The following GAS2 variants were observed in gnomAD, a reference collection of about 807,000 sequenced individuals.
GAS2 encodes growth arrest specific 2.
A neutral mutation model predicts 37.5 loss-of-function variants in GAS2; 20 were observed. The ratio of observed to expected loss-of-function variants is 0.53; its 90% CI spans 0.37 to 0.77. The LOEUF is 0.77. GAS2 is among the 30% of genes least tolerant of loss of function. GAS2 has a pLI of 0.00. For missense variants in GAS2, 336 were observed against 373.4 expected, an observed-to-expected ratio of 0.90 and a Z score of 0.82; for synonymous variants, 144 against 132.2, an observed-to-expected ratio of 1.09 and a Z score of -0.61.
At chr11:22,789,455 TTC>T (rs1856023958) in intron 7 of GAS2, among the ~76,000 whole-genome samples, 1 of 80,528 alleles carries the variant, frequency 1.2e-5, no homozygotes, top group African/African-American at 4.1e-5. Flanking sequence ...TATATATATA[TTC>T]TTTTTTTTTT....
intron 1 of GAS2, among the ~76,000 whole-genome samples, chr11:22,651,463 C>T (rs1384886651): frequency 6.6e-6 from 1 of 152,134 alleles, no homozygotes; most frequent in Non-Finnish European, 1.5e-5. Context: ...TGAACGTTGG[C>T]CTGCCTTGCT....
At chr11:22,666,602 A>C (rs931368488), upstream of GAS2, 2 of 152,200 alleles carry the variant, frequency 1.3e-5, no homozygotes, top group South Asian at 4.1e-4. Context: ...GCGTCCACCA[A>C]AAAAAGTAAG....
At chr11:22,642,599 C>CA (rs1459827882) in intron 1 of GAS2, among the ~76,000 whole-genome samples, 2 of 152,040 alleles carry the variant, frequency 1.3e-5, no homozygotes, top group African/African-American at 4.8e-5. Flanking sequence ...ATAAGGTATG[C>CA]ACAAACTGTC....
At chr11:22,739,517 G>A (rs1302507662) in intron 5 of GAS2, among the ~76,000 whole-genome samples, 2 of 134,460 alleles carry the variant, frequency 1.5e-5, no homozygotes, top group Non-Finnish European at 3.1e-5. Flanking sequence ...AGCTTGCAGT[G>A]AGCCTAGATT....
rs201634460 is a variant in GAS2, at chr11:22,793,494, G to T, written c.724-18304G>T. Reference sequence around the variant, plus strand: ...GAGAAACACAGAGTTAGAGAAAGAAGAAGACTTTGTGCCCCAGAGAAAATG... The same window carrying T: ...GAGAAACACAGAGTTAGAGAAAGAATAAGACTTTGTGCCCCAGAGAAAATG... On this transcript the variant is annotated intron_variant, in intron 7 of 7. Transcript: ENST00000454584. Among the ~76,000 whole-genome samples the T allele has an allele frequency of 1.5e-4, 23 of 152,260 alleles. No homozygotes were observed. In the East Asian group the frequency reaches 4.4e-3, roughly 29 times the overall value.
In GAS2 at chr11:22,755,854, A is replaced by T; in HGVS notation, c.624A>T (p.Arg208=). Residue 208 remains arginine (R), a synonymous_variant, in exon 7 of 8, where the codon CGA becomes CGT. Transcript: ENST00000454584. ...CTGCTCTTCTATTTCAGGTGAAACG[A>T]ATTTCTGAAGATCCTCCTTGCAAAT... The part of the protein sequence containing the change: ...TGNLLDDAVK[R]ISEDPPCKCP... 6.2e-7 allele frequency: 1 copy of T among 1,612,608 alleles called. No homozygotes were observed. Among genetic ancestry groups the T allele is most frequent in the Non-Finnish European group, 8.5e-7 (1 of 1,178,900 alleles).
chr11:22,664,397 C>T (rs1848951620), upstream of GAS2, among the ~76,000 whole-genome samples: 1 of 152,096 alleles, frequency 6.6e-6, no homozygotes, highest in Non-Finnish European at 1.5e-5. Flanking sequence ...TGAGAAAATT[C>T]ATGTTTGAGA....
At chr11:22,768,022 T>G (rs370170438) in intron 7 of GAS2, among the ~76,000 whole-genome samples, 116 of 152,278 alleles carry the variant, frequency 7.6e-4, no homozygotes, top group African/African-American at 2.3e-3. Context: ...GTCCTTCCAT[T>G]GCAAGAGGTT....
chr11:22,650,283 T>G (rs374638953), intron 1 of GAS2, among the ~76,000 whole-genome samples: 3 of 150,242 alleles, frequency 2.0e-5, no homozygotes, highest in Non-Finnish European at 4.5e-5. Context: ...GTCTGAGAGA[T>G]AGTTTGTTAT....
At chr11:22,741,942 T>G (rs929390770) in intron 5 of GAS2, among the ~76,000 whole-genome samples, 3 of 152,126 alleles carry the variant, frequency 2.0e-5, no homozygotes, top group African/African-American at 7.2e-5. Context: ...GTCTTTTGTT[T>G]GAAAACTCTA....
At chr11:22,737,399 C>T (rs1253654864) in intron 4 of GAS2, among the ~76,000 whole-genome samples, 1 of 152,002 alleles carries the variant, frequency 6.6e-6, no homozygotes, top group Non-Finnish European at 1.5e-5. Context: ...TATTGATGTA[C>T]CAGTATTAAT....
chr11:22,777,826 G>C lies in GAS2; in HGVS notation c.723+21873G>C, dbSNP rs552020978. Among the ~76,000 whole-genome samples the C allele has an allele frequency of 7.2e-5, 11 of 152,248 alleles. No homozygotes were observed. In the East Asian group the frequency reaches 1.9e-3, roughly 27 times the overall value. ...AATTGGAGATACTGAGCAATAGCAT[G>C]GTACATTGAAGTTTAAGCCAATTAA... On this transcript the variant is annotated intron_variant, in intron 7 of 7. Transcript: ENST00000454584.
intron 2 of GAS2, among the ~76,000 whole-genome samples, chr11:22,684,518 G>A (rs915201039): frequency 2.6e-5 from 4 of 152,036 alleles, no homozygotes; most frequent in Non-Finnish European, 4.4e-5. Context: ...AAAAATTAAG[G>A]CAGGAAAATG....
At chr11:22,713,591 T>A (rs1590692981) in intron 3 of GAS2, among the ~76,000 whole-genome samples, 1 of 152,102 alleles carries the variant, frequency 6.6e-6, no homozygotes, top group East Asian at 1.9e-4. Context: ...AAGGAAAGAA[T>A]CTTAAGAGAT....
intron 1 of GAS2, among the ~76,000 whole-genome samples, chr11:22,653,792 G>A (rs1848824758): frequency 6.6e-6 from 1 of 152,200 alleles, no homozygotes; most frequent in Admixed American, 6.5e-5. Flanking sequence ...GGAGAGAATG[G>A]ACTCGTGACT....
intron 1 of GAS2, among the ~76,000 whole-genome samples, chr11:22,643,763 G>A (rs932875735): frequency 6.6e-6 from 1 of 151,424 alleles, no homozygotes; most frequent in East Asian, 1.9e-4. Flanking sequence ...ATTTCATATA[G>A]AAGAGTTCTA....
intron 7 of GAS2, among the ~76,000 whole-genome samples, chr11:22,763,616 TACACACACACACACACACAC>T (rs34715661): frequency 7.6e-5 from 11 of 143,792 alleles, no homozygotes; most frequent in Non-Finnish European, 1.7e-4. Flanking sequence ...AAAATACACA[TACACACACACACACACACAC>T]ACACACACAC....
At position 22,747,814 on chromosome 11, in the gene GAS2, A is replaced by C. The variant is rs530089169; in HGVS notation, c.474-1306A>C. Among the ~76,000 whole-genome samples, 8 of 152,296 alleles carry C rather than the reference A, an allele frequency of 5.3e-5. No individual in the cohort carries two copies. The South Asian group carries it at 8.3e-4, about 16-fold the overall frequency. Reference sequence around the variant, plus strand: ...ATTTACTAATTTTATAAATCCCTTTATCTTGTAGTGGATGGGTAATGAAGC... The same window carrying C: ...ATTTACTAATTTTATAAATCCCTTTCTCTTGTAGTGGATGGGTAATGAAGC... On this transcript the variant is annotated intron_variant, in intron 5 of 7. Coordinates refer to ENST00000454584, the MANE Select transcript of GAS2 (RefSeq NM_001143830.3).
intron 5 of GAS2, among the ~76,000 whole-genome samples, chr11:22,738,708 G>A (rs1852886006): frequency 6.6e-6 from 1 of 152,086 alleles, no homozygotes; most frequent in Admixed American, 6.6e-5. Context: ...TTTACAACTT[G>A]GCTAGAAAAC....
Sources: allele counts gnomAD v4.1 joint callset (sites outside exome capture counted in the v4.1 genomes callset), GRCh38; gene constraint gnomAD v4.1.1; transcripts MANE v1.5; gene names NCBI Gene and HGNC (gene_info 2026-07-23, HGNC 2026-07-21).